The following APBB2 variants were observed in gnomAD, a reference collection of about 807,000 sequenced individuals.
The protein encoded by APBB2 is amyloid beta precursor protein binding family B member 2, also known as Fe65-like 1.
Under a neutral mutation model 82.5 loss-of-function variants are expected in APBB2, and 38 were observed. The observed-to-expected ratio is 0.46, with a 90% CI of 0.36 to 0.60. The LOEUF is 0.60. APBB2 is among the 20% of genes least tolerant of loss of function. APBB2 has a pLI of 0.00. For missense variants in APBB2, 772 were observed against 972.3 expected (o/e 0.79, Z 2.74); for synonymous variants, 341 against 368.2 (o/e 0.93, Z 0.85).
rs1799274142 is a variant in APBB2 at position 40,982,424 on chromosome 4, A to AG, written c.835+31158dup. On this transcript the variant is annotated intron_variant, in intron 6 of 17. Transcript: ENST00000508593. ...AGGAAAGAAAGAAAGAAAGAAAGAA[A>AG]GAAAGAAAGAAAGAAAGAAAGAAAG... Among the ~76,000 whole-genome samples the AG allele has an allele frequency of 8.6e-5, 11 of 127,350 alleles. 1 individual carries two copies. Among genetic ancestry groups the AG allele is most frequent in the African/African-American group, 2.9e-4 (10 of 34,932 alleles). 83.5% of individuals were successfully genotyped at this position (127,350 alleles called of 152,430 possible).
intron 11 of APBB2, chr4:40,892,462 A>T (rs1427595833): frequency 6.6e-6 from 1 of 152,238 alleles, no homozygotes; most frequent in African/African-American, 2.4e-5. Flanking sequence ...CCTACTTCCC[A>T]TTGGGATGTG....
Position 40,893,374 on chromosome 4 carries a change from G to C in APBB2, c.1292C>G (p.Ala431Gly). Residue 431 changes from alanine (A) to glycine (G), a missense_variant, in exon 11 of 18, where the codon GCA becomes GGA. Coordinates refer to ENST00000508593, the MANE Select transcript of APBB2 (RefSeq NM_004307.2). ...AVRSLGWVEM[A>G]EEDLAPGKSS... The stretch of plus-strand genomic sequence containing the variant: ...TTTACCGGGGGCGAGGTCCTCTTCT[G>C]CCATCTCTACCCATCCCAGAGAACG... The C allele has an allele frequency of 6.2e-7, 1 of 1,613,362 alleles. No individual in the cohort carries two copies. The highest frequency in any genetic ancestry group is 8.5e-7 in the Non-Finnish European group (1 of 1,179,702).
At chr4:40,896,192 G>T (rs1289078740) in intron 10 of APBB2, among the ~76,000 whole-genome samples, 1 of 152,102 alleles carries the variant, frequency 6.6e-6, no homozygotes, top group African/African-American at 2.4e-5. Flanking sequence ...AGCCTCCCAA[G>T]TAGCTGGGAT....
intron 7 of APBB2, among the ~76,000 whole-genome samples, chr4:40,942,185 G>C (rs972534815): frequency 6.6e-6 from 1 of 152,294 alleles, no homozygotes; most frequent in Non-Finnish European, 1.5e-5. Context: ...TGTAGGGGGA[G>C]AAACACGTGT....
intron 1 of APBB2, among the ~76,000 whole-genome samples, chr4:41,201,144 T>C (rs1470433801): frequency 1.3e-5 from 2 of 152,226 alleles, no homozygotes; most frequent in Non-Finnish European, 2.9e-5. Context: ...ATAATTCCTA[T>C]AGGATCCCAT....
At chr4:41,099,063 C>T (rs533947339) in intron 3 of APBB2, among the ~76,000 whole-genome samples, 147 of 152,098 alleles carry the variant, frequency 9.7e-4, no homozygotes, top group Non-Finnish European at 1.6e-3. Context: ...TTCACTATTA[C>T]AAATATTTCA....
In APBB2 at chr4:41,214,399, G is replaced by C. The variant is rs11936535; in HGVS notation, c.-417+6C>G. The C allele has an allele frequency of 0.08, 12,131 of 152,464 alleles. 693 individuals are homozygous for C. The highest frequency in any genetic ancestry group is 0.12 in the Non-Finnish European group (8,110 of 68,146). 9.4% of individuals were successfully genotyped at this position (152,464 alleles called of 1,614,324 possible). On this transcript the variant is annotated splice_donor_region_variant and intron_variant, in intron 1 of 17. Transcript: ENST00000508593. ...GGGCAAAGGCAAGGAAGAAAGCTGGGCTCACCAGTGGTGCGCGCGGCGCTC... is the reference window on the plus strand; with the variant it reads ...GGGCAAAGGCAAGGAAGAAAGCTGGCCTCACCAGTGGTGCGCGCGGCGCTC...
intron 13 of APBB2, among the ~76,000 whole-genome samples, chr4:40,828,838 G>A (rs566296466): frequency 2.6e-4 from 39 of 152,334 alleles, no homozygotes; most frequent in Non-Finnish European, 4.4e-4. Flanking sequence ...AGCAGCAGAC[G>A]GGGGCACTCT....
chr4:40,914,768 T>C (rs1045658251), intron 10 of APBB2, among the ~76,000 whole-genome samples: 19 of 151,828 alleles, frequency 1.3e-4, no homozygotes, highest in African/African-American at 4.6e-4. Flanking sequence ...CCGCAAATGA[T>C]GAGAATCAGC....
At chr4:40,915,526 A>G (rs1459651514) in intron 10 of APBB2, among the ~76,000 whole-genome samples, 1 of 152,216 alleles carries the variant, frequency 6.6e-6, no homozygotes. Flanking sequence ...AAAGTTACTG[A>G]TAACTATCTT....
intron 10 of APBB2, among the ~76,000 whole-genome samples, chr4:40,924,094 G>A (rs80319973): frequency 0.012 from 1,870 of 152,328 alleles, 57 homozygotes; most frequent in African/African-American, 0.043. Flanking sequence ...GACCAGCTGT[G>A]CAAGCTTGGG....
intron 2 of APBB2, among the ~76,000 whole-genome samples, chr4:41,103,553 GTTC>G (rs1338360319): frequency 7.2e-5 from 11 of 151,816 alleles, no homozygotes; most frequent in Non-Finnish European, 1.2e-4. Flanking sequence ...AGGAGAAAAT[GTTC>G]TTAAGCAGTA....
chr4:40,874,236 T>C (rs553010200), intron 12 of APBB2, among the ~76,000 whole-genome samples: 55 of 152,336 alleles, frequency 3.6e-4, no homozygotes, highest in Admixed American at 7.8e-4. Flanking sequence ...AAGGGAAACA[T>C]GATAAACTAT....
At chr4:41,124,840 T>A in intron 2 of APBB2, among the ~76,000 whole-genome samples, 1 of 152,220 alleles carries the variant, frequency 6.6e-6, no homozygotes, top group East Asian at 1.9e-4. Context: ...TCTGTTAGCG[T>A]CTCTTTCCTC....
intron 6 of APBB2, among the ~76,000 whole-genome samples, chr4:40,991,906 A>G (rs1009477236): frequency 3.3e-5 from 5 of 152,120 alleles, no homozygotes; most frequent in African/African-American, 1.2e-4. Context: ...GCAATTAGAA[A>G]GTTATAACAA....
chr4:40,903,930 C>T (rs1776005783), intron 10 of APBB2, among the ~76,000 whole-genome samples: 1 of 152,054 alleles, frequency 6.6e-6, no homozygotes. Flanking sequence ...TCATATAGCC[C>T]ACATACTATT....
At chr4:40,962,693 T>C (rs1168081497) in intron 6 of APBB2, among the ~76,000 whole-genome samples, 1 of 150,610 alleles carries the variant, frequency 6.6e-6, no homozygotes, top group Non-Finnish European at 1.5e-5. Flanking sequence ...ATAGTATCTA[T>C]ATGAATGGGA....
intron 1 of APBB2, among the ~76,000 whole-genome samples, chr4:41,195,205 C>T: frequency 6.6e-6 from 1 of 152,154 alleles, no homozygotes; most frequent in South Asian, 2.1e-4. Context: ...AGTCCAACTG[C>T]CCAGTCCATA....
intron 12 of APBB2, chr4:40,856,933 CGCTGTCCCCGCGAGCGAGCTTGG>C: frequency 1.0e-6 from 1 of 984,972 alleles, no homozygotes; most frequent in Non-Finnish European, 1.2e-6. Context: ...GCGCCCGCCT[CGCTGTCCCCGCGAGCGAGCTTGG>C]GCTCGACCCC....
Sources: gnomAD v4.1 joint callset for allele counts (sites outside exome capture counted in the v4.1 genomes callset) on GRCh38, gnomAD v4.1.1 for gene constraint, MANE v1.5 for transcripts, NCBI Gene and HGNC (gene_info 2026-07-23, HGNC 2026-07-21) for gene names.